Variants in CNTROB observed in about 807,000 individuals in gnomAD.
CNTROB encodes centrobin.
A neutral mutation model predicts 115.7 loss-of-function variants in CNTROB; 82 were observed. The observed-to-expected ratio is 0.71, with a 90% CI of 0.59 to 0.85. CNTROB has a LOEUF of 0.85. CNTROB is among the 40% of genes least tolerant of loss of function. The pLI is 0.00. For missense variants in CNTROB, 1,014 were observed against 1,144.4 expected, an observed-to-expected ratio of 0.89 and a Z score of 1.64; for synonymous variants, 439 against 456.4, an observed-to-expected ratio of 0.96 and a Z score of 0.49.
intron 4 of CNTROB, chr17:7,936,076 T>C: frequency 2.8e-6 from 1 of 361,360 alleles, no homozygotes; most frequent in Admixed American, 4.2e-5. Context: ...TGTGGGCTGC[T>C]GCATCTCTGC....
chr17:7,947,173 A>AG (rs1384425825), intron 13 of CNTROB, among the ~76,000 whole-genome samples: 2 of 129,274 alleles, frequency 1.5e-5, no homozygotes, highest in Non-Finnish European at 3.2e-5. Flanking sequence ...AAAAAAAAAA[A>AG]AAAAGAGAGA....
Position 7,948,974 on chromosome 17 carries a change from G to C in CNTROB, c.2514-111G>C, listed in dbSNP as rs866358088. On this transcript the variant is annotated intron_variant, in intron 17 of 18. Coordinates refer to ENST00000563694, the MANE Select transcript of CNTROB (RefSeq NM_053051.5). This position sits in a 1 kb window ranked among gnomAD's most constrained non-coding sequence, Gnocchi z 4.4. ...CTCCCAGTTGATGCCCAGGTCTATC[G>C]AGTTTGATCTTATTCTTAAGAGATA... The C allele has an allele frequency of 6.3e-7, 1 of 1,593,634 alleles. No individual in the cohort carries two copies. The highest frequency in any genetic ancestry group is 1.7e-5 in the Admixed American group (1 of 59,198).
rs557143544 is a variant in CNTROB, at chr17:7,947,450, G to A, written c.1994-121G>A. The A allele has an allele frequency of 5.2e-6, 5 of 968,734 alleles. No homozygotes were observed. The Admixed American group carries it at 7.8e-5, about 15-fold the overall frequency. 60.0% of individuals were successfully genotyped at this position (968,734 alleles called of 1,614,324 possible). On this transcript the variant is annotated intron_variant, in intron 13 of 18. Coordinates refer to ENST00000563694, the MANE Select transcript of CNTROB (RefSeq NM_053051.5). ...CCTCCATCTTCATCTTCTCTTAGCTGTGATGTTCCTCTTCCATTTAATAGG... is the reference window on the plus strand; with the variant it reads ...CCTCCATCTTCATCTTCTCTTAGCTATGATGTTCCTCTTCCATTTAATAGG...
At position 7,935,061 on chromosome 17, in the gene CNTROB, C is replaced by T. The variant is rs112215583; in HGVS notation, c.510C>T (p.Thr170=). 6.2e-6 allele frequency: 10 copies of T among 1,614,214 alleles called. No homozygotes were observed. The change falls in exon 4 of 19, where the codon ACC becomes ACT. Residue 170 remains threonine, a synonymous_variant. Coordinates refer to ENST00000563694, the MANE Select transcript of CNTROB (RefSeq NM_053051.5). The stretch of plus-strand genomic sequence containing the variant: ...TGGAGGAGCTGTTTCCCCGCTACAC[C>T]AGCCTTCGGCCAGGGCCTCCACTCA... The part of the protein sequence containing the change: ...QALEELFPRY[T]SLRPGPPLNP...
intron 4 of CNTROB, 56 bp from the exon 5 acceptor site, chr17:7,936,310 G>A (rs763417361): frequency 3.7e-6 from 3 of 807,376 alleles, no homozygotes; most frequent in Admixed American, 1.7e-5. Context: ...GGAAAGTTTG[G>A]TGCTGTGGTC....
rs1974327649 is a variant in CNTROB, at chr17:7,944,760, C to T, written c.1734+122C>T. 2 of 1,187,320 alleles carry T rather than the reference C, an allele frequency of 1.7e-6. No individual in the cohort carries two copies. 73.5% of individuals were successfully genotyped at this position (1,187,320 alleles called of 1,614,324 possible). ...TGGTGAGATCATAGCTCATTGCAGCCTCGAACTCCTGGGCTCAAGTGATCC... is the reference window on the plus strand; with the variant it reads ...TGGTGAGATCATAGCTCATTGCAGCTTCGAACTCCTGGGCTCAAGTGATCC... On this transcript the variant is annotated intron_variant, in intron 12 of 18. Transcript: ENST00000563694. This position sits in a 1 kb window ranked among gnomAD's most constrained non-coding sequence, Gnocchi z 4.0.
rs557239458 is a variant in CNTROB at position 7,932,819 on chromosome 17, C to T, written c.-261C>T. 3.2e-5 allele frequency: 15 copies of T among 465,624 alleles called. 1 individual carries two copies. In the South Asian group the frequency reaches 4.6e-4, roughly 14 times the overall value. The allele number at this position is 465,624 out of a possible 1,614,324, so 28.8% of individuals were successfully genotyped here. A position where few individuals can be genotyped will look rare whatever the true frequency, so the allele number is the denominator to read the frequency against. ...TCCCACAGTAGGTCTTCTGTCCGCA[C>T]CCGCTCTGCGCTGCACCCTCTTAAC... is the stretch of plus-strand genomic sequence containing the variant. On this transcript the variant is annotated 5_prime_UTR_variant, in exon 1 of 19. Transcript: ENST00000563694.
At chr17:7,945,676 C>T in intron 12 of CNTROB, 52 bp from the exon 13 acceptor site, 1 of 1,562,926 alleles carries the variant, frequency 6.4e-7, no homozygotes, top group South Asian at 1.2e-5. Context: ...CATGTCTTAT[C>T]TCTTTAAACC....
Position 7,948,621 on chromosome 17 carries a change from T to C in CNTROB, c.2513+2T>C, listed in dbSNP as rs762531451. ...CCTGAAGAGGCTGGAACACAGCGGG[T>C]ACAAGCCTGGGAGGAAGGAGGAAGG... On this transcript the variant is annotated splice_donor_variant, in intron 17 of 18. Transcript: ENST00000563694. LOFTEE classifies it high-confidence loss of function. This position sits in a 1 kb window ranked among gnomAD's most constrained non-coding sequence, Gnocchi z 4.4. 28 of 1,613,876 alleles carry C rather than the reference T, an allele frequency of 1.7e-5. No individual in the cohort carries two copies. Among genetic ancestry groups the C allele is most frequent in the Non-Finnish European group, 2.3e-5 (27 of 1,180,012 alleles).
rs1218964382 is a variant in CNTROB at position 7,936,415 on chromosome 17, A to G, written c.644A>G (p.Gln215Arg). ...CTGCAGACCCGAGTGTTAGAGCTAC[A>G]GCAACAATTAGCCGTGGCTGTGGCT... ...QSLQTRVLEL[Q>R]QQLAVAVAAD... is the part of the protein sequence containing the mutation. Residue 215 changes from glutamine to arginine, a missense_variant, in exon 5 of 19, where the codon CAG (glutamine) becomes CGG (arginine). Physicochemically the swap from Gln to Arg is conservative, Grantham distance 43. Transcript: ENST00000563694. 1 of 1,573,984 alleles carries G rather than the reference A, an allele frequency of 6.4e-7. No individual in the cohort carries two copies. Among genetic ancestry groups the G allele is most frequent in the Non-Finnish European group, 8.7e-7 (1 of 1,143,364 alleles).
chr17:7,945,995 G>A lies in CNTROB; in HGVS notation c.1993+9G>A. 1 of 1,612,886 alleles carries A rather than the reference G, an allele frequency of 6.2e-7. No individual in the cohort carries two copies. The highest frequency in any genetic ancestry group is 8.5e-7 in the Non-Finnish European group (1 of 1,179,112). On this transcript the variant is annotated intron_variant, in intron 13 of 18. Transcript: ENST00000563694. ...CCTCACTTCATCCACAGGTAACTGG[G>A]GGCAGAAGTCACTGGGGTTCCCCTT... is the stretch of plus-strand genomic sequence containing the variant.
At chr17:7,935,467 AC>A (rs1488962465) in intron 4 of CNTROB, among the ~76,000 whole-genome samples, 1 of 151,290 alleles carries the variant, frequency 6.6e-6, no homozygotes, top group East Asian at 1.9e-4. Context: ...ATGCCGCTGC[AC>A]TCCAGCCTGG....
At chr17:7,947,434 T>A (rs1024222337) in intron 13 of CNTROB, 137 bp from the exon 14 acceptor site, 1 of 844,240 alleles carries the variant, frequency 1.2e-6, no homozygotes, top group Admixed American at 2.7e-5. Context: ...ACCTCCATCT[T>A]CATCTTCTCT....
intron 9 of CNTROB, among the ~76,000 whole-genome samples, chr17:7,942,787 ATTTTTTTTTTTT>A (rs71159534): frequency 0.01 from 367 of 35,798 alleles, no homozygotes; most frequent in African/African-American, 0.037. Context: ...TACTCAGGGT[ATTTTTTTTTTTT>A]TTTTTTTTTT....
rs1386555688 is a variant in CNTROB, at chr17:7,948,094, T to C, written c.2210-63T>C. Reference sequence around the variant, plus strand: ...GTAATAAAGCCTTATAAATGCTGGGTGGTGGGACTTCCTTGGTTCTATGCC... The same window carrying C: ...GTAATAAAGCCTTATAAATGCTGGGCGGTGGGACTTCCTTGGTTCTATGCC... On this transcript the variant is annotated intron_variant, in intron 15 of 18. Transcript: ENST00000563694. This position sits in a 1 kb window ranked among gnomAD's most constrained non-coding sequence, Gnocchi z 4.4. 2.5e-6 allele frequency: 4 copies of C among 1,602,916 alleles called. No homozygotes were observed. In the African/African-American group the frequency reaches 4.0e-5, roughly 16 times the overall value.
intron 4 of CNTROB, 67 bp downstream of exon 4, chr17:7,935,212 G>A: frequency 6.2e-7 from 1 of 1,604,738 alleles, no homozygotes; most frequent in Non-Finnish European, 8.5e-7. Flanking sequence ...GTGTTGAAAA[G>A]GGCTGAGGGG....
At position 7,949,496 on chromosome 17, in the gene CNTROB, G is replaced by C; in HGVS notation, c.2698G>C (p.Gly900Arg). 6.2e-7 allele frequency: 1 copy of C among 1,613,338 alleles called. No homozygotes were observed. The highest frequency in any genetic ancestry group is 8.5e-7 in the Non-Finnish European group (1 of 1,179,670). The change falls in exon 19 of 19, where the codon GGA becomes CGA. Residue 900 changes from glycine to arginine, a missense_variant. By Grantham distance (125) the Gly-to-Arg change is moderately radical (BLOSUM62 -2). Transcript: ENST00000563694. ...CCCGAGTAGCATGAGGAGCCGGGGG[G>C]GAGTCTGGAGATGAGCCCCCCTACC... ...PAPSSMRSRG[G>R]VWR
intron 6 of CNTROB, 100 bp downstream of exon 6, chr17:7,936,917 C>T (rs991147041): frequency 2.6e-6 from 2 of 776,640 alleles, no homozygotes; most frequent in Admixed American, 3.7e-5. Context: ...AACAGATTGA[C>T]CTCAGTCTTG....
rs763620316 is a variant in CNTROB, at chr17:7,948,308, C to T, written c.2361C>T (p.Ser787=). The T allele has an allele frequency of 1.2e-5, 19 of 1,613,972 alleles. 1 individual carries two copies. In the Middle Eastern group the frequency reaches 6.6e-4, roughly 56 times the overall value. The part of the protein sequence containing the change: ...PSSHSQGSGP[S]SGSPERGGDG... ...CCCATTCACAAGGCAGTGGTCCCAG[C>T]AGTGGTTCCCCAGAGAGAGGTGAGC... is the stretch of plus-strand genomic sequence containing the variant. The change falls in exon 16 of 19, where the codon AGC becomes AGT. Residue 787 remains serine, a synonymous_variant. Coordinates refer to ENST00000563694, the MANE Select transcript of CNTROB (RefSeq NM_053051.5). This position sits in a 1 kb window ranked among gnomAD's most constrained non-coding sequence, Gnocchi z 4.4.
Sources: allele counts gnomAD v4.1 joint callset (sites outside exome capture counted in the v4.1 genomes callset), GRCh38; gene constraint gnomAD v4.1.1; non-coding constraint Gnocchi (gnomAD v3.1); transcripts MANE v1.5; gene names NCBI Gene and HGNC (gene_info 2026-07-23, HGNC 2026-07-21).